Variants in KCNIP3 observed in about 807,000 individuals in gnomAD.
KCNIP3 encodes calsenilin.
KCNIP3 carries 28 observed loss-of-function variants against 35.0 expected under a neutral mutation model. That is an observed-to-expected ratio of 0.80 (90% CI 0.59 to 1.10). The LOEUF (loss-of-function observed/expected upper bound fraction) is 1.10, where lower values mean the gene tolerates loss of function less well. Ranked by LOEUF, KCNIP3 falls within the 50% of genes least tolerant of loss-of-function variation. The pLI, the probability that KCNIP3 is intolerant of heterozygous loss-of-function variation, is 0.00. For missense variants in KCNIP3, 295 were observed against 338.4 expected, an observed-to-expected ratio of 0.87 and a Z score of 1.01; for synonymous variants, 134 against 133.8, an observed-to-expected ratio of 1.00 and a Z score of -0.01.
intron 2 of KCNIP3, among the ~76,000 whole-genome samples, chr2:95,336,049 T>C (rs570591190): frequency 5.9e-5 from 9 of 152,358 alleles, no homozygotes; most frequent in Non-Finnish European, 1.2e-4. Context: ...GTCTTATAAT[T>C]TTTAGTTGAA....
At chr2:95,368,815 A>C in intron 2 of KCNIP3, 1 of 224,186 alleles carries the variant, frequency 4.5e-6, no homozygotes, top group East Asian at 1.1e-4. Context: ...ACCTTTGATG[A>C]CCCTTCATGT....
chr2:95,358,064 C>T (rs1679700883), intron 2 of KCNIP3, among the ~76,000 whole-genome samples: 1 of 152,188 alleles, frequency 6.6e-6, no homozygotes, highest in Non-Finnish European at 1.5e-5. Context: ...CATGGCACCT[C>T]TTTGGAGTTT....
At chr2:95,328,404 C>A (rs1436747271) in intron 2 of KCNIP3, among the ~76,000 whole-genome samples, 1 of 152,244 alleles carries the variant, frequency 6.6e-6, no homozygotes, top group Non-Finnish European at 1.5e-5. Flanking sequence ...AAATGTGAGG[C>A]CCACTCAGAG....
intron 2 of KCNIP3, among the ~76,000 whole-genome samples, chr2:95,328,623 C>T (rs1023296312): frequency 1.3e-5 from 2 of 152,218 alleles, no homozygotes; most frequent in Non-Finnish European, 2.9e-5. Context: ...GCGTGCTCAC[C>T]GCCTTCAGGT....
intron 2 of KCNIP3, among the ~76,000 whole-genome samples, chr2:95,329,380 C>T (rs1336238840): frequency 1.3e-5 from 2 of 152,240 alleles, no homozygotes. Context: ...CTGCCCTCCA[C>T]CTCTGGACCA....
intron 2 of KCNIP3, among the ~76,000 whole-genome samples, chr2:95,332,726 C>A (rs1332156891): frequency 1.3e-5 from 2 of 152,224 alleles, no homozygotes; most frequent in African/African-American, 2.4e-5. Flanking sequence ...TACAGAACTT[C>A]TCAGAACCTT....
intron 2 of KCNIP3, among the ~76,000 whole-genome samples, chr2:95,362,357 C>T (rs536715211): frequency 8.5e-5 from 13 of 152,272 alleles, no homozygotes; most frequent in African/African-American, 2.4e-4. Context: ...CCGCCCACCT[C>T]GGCCTCCCAA....
rs188190604 is a variant in KCNIP3, at chr2:95,357,798, G to C, written c.182-16498G>C. Among the ~76,000 whole-genome samples the C allele has an allele frequency of 1.0e-3, 153 of 152,298 alleles. 1 individual carries two copies. Among genetic ancestry groups the C allele is most frequent in the Non-Finnish European group, 1.7e-3 (119 of 68,022 alleles). On this transcript the variant is annotated intron_variant, in intron 2 of 8. Coordinates refer to ENST00000295225, the MANE Select transcript of KCNIP3 (RefSeq NM_013434.5). ...TGTACTTTTGGAAATATCAGATCCA[G>C]TCACACCCCAGCCTGGTGCCCTGCC...
intron 2 of KCNIP3, among the ~76,000 whole-genome samples, chr2:95,325,853 ACACT>A (rs1678748296): frequency 1.7e-5 from 1 of 60,342 alleles, no homozygotes; most frequent in African/African-American, 1.0e-4. Context: ...ATACACACAT[ACACT>A]CACAGGCACA....
At chr2:95,320,724 C>G (rs888160322) in intron 2 of KCNIP3, among the ~76,000 whole-genome samples, 5 of 152,174 alleles carry the variant, frequency 3.3e-5, no homozygotes, top group Admixed American at 2.6e-4. Context: ...TCAGACCCAA[C>G]TGGCCCTGCA....
At position 95,321,769 on chromosome 2, in the gene KCNIP3, G is replaced by A. The variant is rs149455661; in HGVS notation, c.181+11249G>A. On this transcript the variant is annotated intron_variant, in intron 2 of 8. Coordinates refer to ENST00000295225, the MANE Select transcript of KCNIP3 (RefSeq NM_013434.5). ...ACCCAGGTGAGTGAGGCCACTGCCT[G>A]CAGGGTTATCTCCTCTGCCAGAGGG... 2.8e-4 allele frequency among the ~76,000 whole-genome samples: 43 copies of A among 152,264 alleles called. 1 individual carries two copies. In the East Asian group the frequency reaches 7.9e-3, roughly 28 times the overall value.
At chr2:95,305,745 A>C (rs1678150421) in intron 1 of KCNIP3, among the ~76,000 whole-genome samples, 1 of 152,204 alleles carries the variant, frequency 6.6e-6, no homozygotes, top group Admixed American at 6.5e-5. Context: ...ATAGAATCAC[A>C]CAGAATGTGA....
chr2:95,310,240 A>T, intron 1 of KCNIP3, 115 bp from the exon 2 acceptor site: 5 of 1,238,904 alleles, frequency 4.0e-6, no homozygotes, highest in Non-Finnish European at 5.9e-6. Flanking sequence ...CCGGAAGGTG[A>T]GCCCTCTGTT....
chr2:95,352,962 C>T (rs1445640390), intron 2 of KCNIP3, among the ~76,000 whole-genome samples: 1 of 152,248 alleles, frequency 6.6e-6, no homozygotes, highest in Non-Finnish European at 1.5e-5. Context: ...CAGGTTGTTG[C>T]TTCAGTGATT....
At position 95,376,341 on chromosome 2, in the gene KCNIP3, T is replaced by A. The variant is rs1249974485; in HGVS notation, c.447+1133T>A. On this transcript the variant is annotated intron_variant, in intron 5 of 8. Transcript: ENST00000295225. The surrounding 1 kb of genome is among the most constrained non-coding windows in gnomAD (Gnocchi z 4.2). The stretch of plus-strand genomic sequence containing the variant: ...AAGGGAGCAGGCGGGGTGCGAGTGG[T>A]TTTTCTTGTTCAGGAATGAGATGAC... 1.3e-5 allele frequency among the ~76,000 whole-genome samples: 2 copies of A among 151,960 alleles called. No homozygotes were observed. Among genetic ancestry groups the A allele is most frequent in the African/African-American group, 4.8e-5 (2 of 41,382 alleles).
intron 2 of KCNIP3, among the ~76,000 whole-genome samples, chr2:95,321,621 G>C (rs961200387): frequency 4.6e-5 from 7 of 152,212 alleles, no homozygotes; most frequent in Non-Finnish European, 1.0e-4. Context: ...TCCCTAATGA[G>C]GGGACTAACG....
At chr2:95,328,784 G>A (rs1469404858) in intron 2 of KCNIP3, among the ~76,000 whole-genome samples, 1 of 152,266 alleles carries the variant, frequency 6.6e-6, no homozygotes, top group Non-Finnish European at 1.5e-5. Context: ...CTTGGGGTGG[G>A]GAAGAGTGTG....
chr2:95,325,302 G>A (rs780822030), intron 2 of KCNIP3, among the ~76,000 whole-genome samples: 16 of 152,182 alleles, frequency 1.1e-4, no homozygotes, highest in South Asian at 6.2e-4. Context: ...CCTGAGCAGC[G>A]GGGAGGCTGT....
chr2:95,313,946 CACAT>C (rs986597119), intron 2 of KCNIP3: 5 of 152,118 alleles, frequency 3.3e-5, no homozygotes, highest in Non-Finnish European at 5.9e-5. Flanking sequence ...CACACACACA[CACAT>C]ACACACACAA....
Sources: gnomAD v4.1 joint callset for allele counts (sites outside exome capture counted in the v4.1 genomes callset) on GRCh38, gnomAD v4.1.1 for gene constraint, Gnocchi (gnomAD v3.1) non-coding constraint, MANE v1.5 for transcripts, NCBI Gene and HGNC (gene_info 2026-07-23, HGNC 2026-07-21) for gene names.